The following MCF2L variants were observed in gnomAD, a reference collection of about 807,000 sequenced individuals.
MCF2L encodes MCF.2 cell line derived transforming sequence like.
Under a neutral mutation model 153.4 loss-of-function variants are expected in MCF2L, and 97 were observed. The ratio of observed to expected loss-of-function variants is 0.63; its 90% CI spans 0.54 to 0.75. The LOEUF (loss-of-function observed/expected upper bound fraction) is 0.75. Among genes scored for constraint, MCF2L ranks in the 30% least tolerant of loss-of-function variants. MCF2L has a pLI of 0.00. For synonymous variants in MCF2L, 659 were observed against 632.2 expected, an observed-to-expected ratio of 1.04 and a Z score of -0.64; for missense variants, 1,347 against 1,495.2, an observed-to-expected ratio of 0.90 and a Z score of 1.64.
chr13:113,069,979 G>A (rs1020616803), intron 8 of MCF2L, 80 bp from the exon 9 acceptor site: 10 of 897,472 alleles, frequency 1.1e-5, no homozygotes, highest in Non-Finnish European at 1.8e-5. Flanking sequence ...GAGCCTTGGG[G>A]TCGCTTGAAC....
At chr13:113,086,019 G>C (rs553804410) in intron 20 of MCF2L, 105 bp from the exon 21 acceptor site, 2 of 1,243,130 alleles carry the variant, frequency 1.6e-6, no homozygotes, top group East Asian at 5.6e-5. Context: ...GACCAGGGGA[G>C]GGTGAGCAGC....
rs191276035 is a variant in MCF2L, at chr13:113,085,189, C to T, written c.2247+11C>T. On this transcript the variant is annotated intron_variant, in intron 20 of 29. Transcript: ENST00000535094. ...CAGCTGCTGCTCAAGGTGGGCTCCGCGGTGACCGTGGCCCGGCCTCCCCAG... is the reference window on the plus strand; with the variant it reads ...CAGCTGCTGCTCAAGGTGGGCTCCGTGGTGACCGTGGCCCGGCCTCCCCAG... 20 of 1,611,946 alleles carry T rather than the reference C, an allele frequency of 1.2e-5. No individual in the cohort carries two copies. The highest frequency in any genetic ancestry group is 3.4e-4 in the Middle Eastern group (2 of 5,798).
chr13:113,020,908 ATG>A (rs1176470851), intron 2 of MCF2L, among the ~76,000 whole-genome samples: 3 of 149,928 alleles, frequency 2.0e-5, no homozygotes, highest in Admixed American at 6.6e-5. Flanking sequence ...AGATGTGTGT[ATG>A]TGTGTGTATG....
In MCF2L at chr13:113,028,694, C is replaced by T. The variant is rs1415361123; in HGVS notation, c.278+3936C>T. 6.6e-6 allele frequency among the ~76,000 whole-genome samples: 1 copy of T among 152,228 alleles called. No individual in the cohort carries two copies. Among genetic ancestry groups the T allele is most frequent in the African/African-American group, 2.4e-5 (1 of 41,466 alleles). On this transcript the variant is annotated intron_variant, in intron 3 of 29. Coordinates refer to ENST00000535094, the MANE Select transcript of MCF2L (RefSeq NM_001112732.3). This position sits in a 1 kb window ranked among gnomAD's most constrained non-coding sequence, Gnocchi z 5.4. Reference sequence around the variant, plus strand: ...AGAGGCCTTTCTATCACCAAACGCTCTAAATCAGATCCTGGAAATGCCAGC... The same window carrying T: ...AGAGGCCTTTCTATCACCAAACGCTTTAAATCAGATCCTGGAAATGCCAGC...
intron 1 of MCF2L, among the ~76,000 whole-genome samples, chr13:112,988,976 C>T (rs2082777090): frequency 7.2e-6 from 1 of 139,050 alleles, no homozygotes; most frequent in African/African-American, 2.8e-5. Flanking sequence ...CCTCCCTGAG[C>T]AGGGGATGGA....
chr13:113,038,281 T>C (rs964899400), intron 3 of MCF2L, among the ~76,000 whole-genome samples: 2 of 151,932 alleles, frequency 1.3e-5, no homozygotes, highest in East Asian at 3.9e-4. Context: ...CTGGCTAACA[T>C]GGTGAAACCC....
intron 3 of MCF2L, among the ~76,000 whole-genome samples, chr13:113,034,563 CTCGCCCTCACCT>C (rs2086015294): frequency 6.6e-5 from 10 of 151,706 alleles, no homozygotes; most frequent in Non-Finnish European, 1.5e-4. Flanking sequence ...TGGTCTCACC[CTCGCCCTCACCT>C]TCTCCCTCGC....
At chr13:112,921,153 A>G (rs1393317601) in intron 2 of MCF2L, among the ~76,000 whole-genome samples, 2 of 152,144 alleles carry the variant, frequency 1.3e-5, no homozygotes, top group Non-Finnish European at 2.9e-5. Flanking sequence ...CTCTAGCCTG[A>G]GCGACAGAGC....
At chr13:112,996,951 G>A (rs1437185962) in intron 1 of MCF2L, among the ~76,000 whole-genome samples, 1 of 152,234 alleles carries the variant, frequency 6.6e-6, no homozygotes, top group East Asian at 1.9e-4. Flanking sequence ...GGCAGCTGCT[G>A]GGCCAGTCCC....
chr13:112,912,721 C>T (rs898962687), intron 2 of MCF2L, among the ~76,000 whole-genome samples: 3 of 152,038 alleles, frequency 2.0e-5, no homozygotes, highest in African/African-American at 7.3e-5. Context: ...TTATATCCTT[C>T]TTTTCTTATA....
At chr13:113,025,076 C>T (rs1296004692) in intron 3 of MCF2L, among the ~76,000 whole-genome samples, 21 of 92,184 alleles carry the variant, frequency 2.3e-4, no homozygotes, top group Middle Eastern at 7.8e-3. Flanking sequence ...GGGCAGAGTC[C>T]CTGTGAGATT....
intron 1 of MCF2L, among the ~76,000 whole-genome samples, chr13:112,987,082 T>C (rs1166148292): frequency 6.7e-6 from 1 of 149,034 alleles, no homozygotes; most frequent in African/African-American, 2.5e-5. Context: ...TGGGTCCTTT[T>C]ACACAGATGG....
intron 1 of MCF2L, among the ~76,000 whole-genome samples, chr13:112,981,778 C>T (rs953767903): frequency 2.0e-5 from 3 of 152,254 alleles, no homozygotes; most frequent in Non-Finnish European, 4.4e-5. Flanking sequence ...TGCCCTCTGC[C>T]TCCTGTTGCC....
At chr13:113,086,806 T>TATA (rs1457732586) in intron 21 of MCF2L, among the ~76,000 whole-genome samples, 2 of 151,982 alleles carry the variant, frequency 1.3e-5, no homozygotes, top group African/African-American at 4.8e-5. Flanking sequence ...GATAATTGAG[T>TATA]ATAAATCAGA....
intron 2 of MCF2L, among the ~76,000 whole-genome samples, chr13:113,018,172 C>T (rs1301128166): frequency 1.3e-5 from 2 of 152,190 alleles, no homozygotes; most frequent in Non-Finnish European, 2.9e-5. Flanking sequence ...GCGTAAACCT[C>T]GGGGGCTCCG....
At chr13:112,923,364 C>T (rs1019127997) in intron 2 of MCF2L, among the ~76,000 whole-genome samples, 11 of 147,746 alleles carry the variant, frequency 7.4e-5, no homozygotes, top group Non-Finnish European at 1.2e-4. Context: ...CCTGGGTTGA[C>T]GCCATTCTCC....
At chr13:112,999,768 G>T (rs1182355560) in intron 1 of MCF2L, among the ~76,000 whole-genome samples, 1 of 152,228 alleles carries the variant, frequency 6.6e-6, no homozygotes, top group Non-Finnish European at 1.5e-5. Flanking sequence ...GCTGTGAGGG[G>T]ACCCACCGTG....
chr13:112,978,588 T>C (rs934905983), intron 1 of MCF2L, among the ~76,000 whole-genome samples: 2 of 152,172 alleles, frequency 1.3e-5, no homozygotes, highest in African/African-American at 4.8e-5. Flanking sequence ...GAGGACATGG[T>C]AGGCAGGGAC....
In MCF2L at chr13:113,065,037, G is replaced by A. The variant is rs771022010; in HGVS notation, c.708G>A (p.Ser236=). The A allele has an allele frequency of 3.5e-5, 56 of 1,612,314 alleles. No individual in the cohort carries two copies. Among genetic ancestry groups the A allele is most frequent in the South Asian group, 4.4e-5 (4 of 91,036 alleles). ...CAGAGCTGCCCAATGACGTCCAGTC[G>A]ACAAGCTCAGTGCTGTGTGCGCACA... The part of the protein sequence containing the change: ...AETELPNDVQ[S]TSSVLCAHTE... Residue 236 remains serine (S), a synonymous_variant, in exon 7 of 30, where the codon TCG becomes TCA. Transcript: ENST00000535094.
Sources: gnomAD v4.1 joint callset for allele counts (sites outside exome capture counted in the v4.1 genomes callset) on GRCh38, gnomAD v4.1.1 for gene constraint, Gnocchi (gnomAD v3.1) non-coding constraint, MANE v1.5 for transcripts, NCBI Gene and HGNC (gene_info 2026-07-23, HGNC 2026-07-21) for gene names.